The following PTPRO variants were observed in gnomAD, a reference collection of about 807,000 sequenced individuals.
The protein encoded by PTPRO is receptor-type tyrosine-protein phosphatase O.
PTPRO carries 62 observed loss-of-function variants against 145.2 expected under a neutral mutation model. The observed-to-expected ratio is 0.43, with a 90% CI of 0.35 to 0.53. The LOEUF (loss-of-function observed/expected upper bound fraction) is 0.53, where lower values mean the gene tolerates loss of function less well. Ranked by LOEUF, PTPRO falls within the 20% of genes least tolerant of loss-of-function variation. PTPRO has a pLI of 0.01. For synonymous variants in PTPRO, 565 were observed against 514.7 expected, an observed-to-expected ratio of 1.10 and a Z score of -1.32; for missense variants, 1,345 against 1,482.7, an observed-to-expected ratio of 0.91 and a Z score of 1.53.
At position 15,531,877 on chromosome 12, in the gene PTPRO, A is replaced by C. The variant is rs559053838; in HGVS notation, c.2164+5615A>C. Among the ~76,000 whole-genome samples the C allele has an allele frequency of 2.6e-5, 4 of 152,290 alleles. No individual in the cohort carries two copies. The South Asian group carries it at 8.3e-4, about 32-fold the overall frequency. On this transcript the variant is annotated intron_variant, in intron 12 of 26. Coordinates refer to ENST00000281171, the MANE Select transcript of PTPRO (RefSeq NM_030667.3). ...AGATGTCTGCTAATTTTTGTGTCTGAATTTGTTCATAACAGTCTCAAGCCA... is the reference window on the plus strand; with the variant it reads ...AGATGTCTGCTAATTTTTGTGTCTGCATTTGTTCATAACAGTCTCAAGCCA...
At chr12:15,385,301 TAC>T (rs1224416713) in intron 1 of PTPRO, among the ~76,000 whole-genome samples, 1 of 151,922 alleles carries the variant, frequency 6.6e-6, no homozygotes, top group East Asian at 1.9e-4. Flanking sequence ...AAGAGCAGGG[TAC>T]CAAGGAGAAG....
intron 1 of PTPRO, among the ~76,000 whole-genome samples, chr12:15,478,725 G>C (rs1400978169): frequency 3.9e-5 from 6 of 152,046 alleles, no homozygotes; most frequent in African/African-American, 1.4e-4. Flanking sequence ...AGGCTGGAGT[G>C]CAGTGGCGCG....
rs551155445 is a variant in PTPRO, at chr12:15,514,312, C to T, written c.1465-1186C>T. 5.3e-5 allele frequency among the ~76,000 whole-genome samples: 8 copies of T among 151,962 alleles called. No individual in the cohort carries two copies. The East Asian group carries it at 9.7e-4, about 18-fold the overall frequency. On this transcript the variant is annotated intron_variant, in intron 7 of 26. Transcript: ENST00000281171. ...ACTAAAAATACAAAAATTAGCTGGG[C>T]GTGGTGGCCCACAACTGTAATCCCA...
intron 1 of PTPRO, among the ~76,000 whole-genome samples, chr12:15,454,900 G>A (rs188661780): frequency 1.1e-4 from 17 of 152,004 alleles, no homozygotes; most frequent in African/African-American, 3.9e-4. Context: ...ATATATGCTC[G>A]TGTTAACTTC....
chr12:15,563,400 C>T (rs1207408745), intron 17 of PTPRO, among the ~76,000 whole-genome samples: 1 of 152,044 alleles, frequency 6.6e-6, no homozygotes, highest in Admixed American at 6.6e-5. Context: ...TGGTTTTAGT[C>T]TCGGAATTAG....
At chr12:15,551,724 T>C in intron 15 of PTPRO, 53 bp downstream of exon 15, 1 of 1,581,502 alleles carries the variant, frequency 6.3e-7, no homozygotes, top group Non-Finnish European at 8.7e-7. Flanking sequence ...TATCTTTATC[T>C]GCCATATATA....
chr12:15,540,973 G>A (rs1190411286), intron 12 of PTPRO, among the ~76,000 whole-genome samples: 1 of 152,180 alleles, frequency 6.6e-6, no homozygotes, highest in Non-Finnish European at 1.5e-5. Flanking sequence ...CTAGTTGAGT[G>A]GAACGCCAGC....
At chr12:15,592,240 T>C (rs1944568848) in intron 25 of PTPRO, among the ~76,000 whole-genome samples, 1 of 152,194 alleles carries the variant, frequency 6.6e-6, no homozygotes, top group Admixed American at 6.5e-5. Context: ...TGCTGCCAGG[T>C]CACAAAAGTT....
intron 1 of PTPRO, among the ~76,000 whole-genome samples, chr12:15,338,171 T>C (rs943546595): frequency 6.6e-6 from 1 of 152,226 alleles, no homozygotes; most frequent in African/African-American, 2.4e-5. Context: ...GGATCAAAAG[T>C]ACCTGGAACT....
intron 1 of PTPRO, among the ~76,000 whole-genome samples, chr12:15,458,246 TATGTG>T (rs571757190): frequency 1.7e-4 from 26 of 152,312 alleles, no homozygotes; most frequent in African/African-American, 6.0e-4. Flanking sequence ...AGATTCCCTG[TATGTG>T]ATAAGTCATT....
chr12:15,500,115 A>ATGGGTGGG (rs1447358820), intron 4 of PTPRO, among the ~76,000 whole-genome samples: 1 of 152,040 alleles, frequency 6.6e-6, no homozygotes, highest in Non-Finnish European at 1.5e-5. Flanking sequence ...GGATGGATGG[A>ATGGGTGGG]TGGATGGAAT....
rs571189216 is a variant in PTPRO at position 15,548,920 on chromosome 12, A to G, written c.2305-174A>G. Reference sequence around the variant, plus strand: ...CATGGAATAATGCTGCTTCCATGGAAGGGAATTGGTCAGATGGGGAATGGG... The same window carrying G: ...CATGGAATAATGCTGCTTCCATGGAGGGGAATTGGTCAGATGGGGAATGGG... On this transcript the variant is annotated intron_variant, in intron 13 of 26. Coordinates refer to ENST00000281171, the MANE Select transcript of PTPRO (RefSeq NM_030667.3). 2.6e-5 allele frequency among the ~76,000 whole-genome samples: 4 copies of G among 152,290 alleles called. No individual in the cohort carries two copies. The East Asian group carries it at 7.7e-4, about 29-fold the overall frequency.
At chr12:15,448,339 T>TAAAAAAAAA (rs56136736) in intron 1 of PTPRO, among the ~76,000 whole-genome samples, 17,103 of 44,600 alleles carry the variant, frequency 0.38, 6,936 homozygotes, top group South Asian at 0.57. Context: ...CTGTTCCTAG[T>TAAAAAAAAA]AAAAAAAAAA....
intron 1 of PTPRO, among the ~76,000 whole-genome samples, chr12:15,438,018 C>T (rs1940648638): frequency 6.6e-6 from 1 of 152,208 alleles, no homozygotes; most frequent in African/African-American, 2.4e-5. Context: ...TTGACCACAG[C>T]TGGCTGTTAT....
intron 16 of PTPRO, among the ~76,000 whole-genome samples, chr12:15,558,025 C>T (rs1030826539): frequency 6.6e-6 from 1 of 152,118 alleles, no homozygotes; most frequent in African/African-American, 2.4e-5. Context: ...ATCTCTGCCT[C>T]CTGGGCTCAA....
chr12:15,529,301 T>C (rs1942908533), intron 12 of PTPRO, among the ~76,000 whole-genome samples: 2 of 151,992 alleles, frequency 1.3e-5, no homozygotes, highest in African/African-American at 4.8e-5. Context: ...GGTGTGGTAG[T>C]TTTGCTTTTG....
intron 1 of PTPRO, chr12:15,439,993 G>A: frequency 1.5e-6 from 1 of 683,682 alleles, no homozygotes; most frequent in East Asian, 2.7e-5. Flanking sequence ...CCATCATCCT[G>A]GCCAAGCTCT....
At chr12:15,539,886 A>G (rs1943146559) in intron 12 of PTPRO, among the ~76,000 whole-genome samples, 1 of 150,330 alleles carries the variant, frequency 6.7e-6, no homozygotes, top group African/African-American at 2.4e-5. Flanking sequence ...CTCATAATTT[A>G]ATGTGTTTTC....
chr12:15,428,771 G>A (rs1311922751), intron 1 of PTPRO, among the ~76,000 whole-genome samples: 2 of 152,090 alleles, frequency 1.3e-5, no homozygotes. Context: ...CTGTCTTGCA[G>A]CCTCTCCATG....
Sources: gnomAD v4.1 joint callset for allele counts (sites outside exome capture counted in the v4.1 genomes callset) on GRCh38, gnomAD v4.1.1 for gene constraint, MANE v1.5 for transcripts, NCBI Gene and HGNC (gene_info 2026-07-23, HGNC 2026-07-21) for gene names.